The following NOP53 variants were observed in gnomAD, a reference collection of about 807,000 sequenced individuals.
NOP53 encodes the protein ribosome biogenesis protein NOP53.
Under a neutral mutation model 61.0 loss-of-function variants are expected in NOP53, and 40 were observed. That is an observed-to-expected ratio of 0.66 (90% CI 0.51 to 0.85). NOP53 has a LOEUF of 0.85. Ranked by LOEUF, NOP53 falls within the 40% of genes least tolerant of loss-of-function variation. The pLI is 0.00. For synonymous variants in NOP53, 308 were observed against 289.5 expected, an observed-to-expected ratio of 1.06 and a Z score of -0.65; for missense variants, 689 against 652.9, an observed-to-expected ratio of 1.06 and a Z score of -0.60.
intron 10 of NOP53, 168 bp downstream of exon 10, chr19:47,755,990 G>T: frequency 1.6e-6 from 1 of 606,398 alleles, no homozygotes; most frequent in South Asian, 2.0e-5. Flanking sequence ...ATCCCAGGGT[G>T]AGGGGCCAGG....
intron 2 of NOP53, among the ~76,000 whole-genome samples, chr19:47,747,599 G>A (rs919092706): frequency 2.0e-4 from 30 of 151,272 alleles, no homozygotes; most frequent in Admixed American, 1.8e-3. Context: ...CCGAGATCGC[G>A]CCGCTGAACT....
At chr19:47,746,814 A>T (rs536870022) in intron 1 of NOP53, 153 bp from the exon 2 acceptor site, 1 of 625,640 alleles carries the variant, frequency 1.6e-6, no homozygotes, top group Admixed American at 3.1e-5. Context: ...TCCTTCCTAA[A>T]TACTAAGTTC....
Position 47,757,005 on chromosome 19 carries a change from G to A in NOP53, c.1437G>A (p.Ter479=), listed in dbSNP as rs1180406309. 1 of 1,614,144 alleles carries A rather than the reference G, an allele frequency of 6.2e-7. No homozygotes were observed. Among genetic ancestry groups the A allele is most frequent in the Non-Finnish European group, 8.5e-7 (1 of 1,179,972 alleles). Residue 479 remains the stop codon, a stop_retained_variant, in exon 13 of 13, where the codon TAG becomes TAA. Transcript: ENST00000246802. ...TCCTTTCCTCTGTCCCCAGGTTGTA[G>A]CTGCCATCAGATGCCGGAGACTCGC... ...EKRAFREIQL[*]
In NOP53 at chr19:47,750,260, C is replaced by T; in HGVS notation, c.372C>T (p.Asn124=). Residue 124 remains asparagine, a synonymous_variant, in exon 3 of 13, where the codon AAC becomes AAT. Coordinates refer to ENST00000246802, the MANE Select transcript of NOP53 (RefSeq NM_015710.5). ...KPLRVDLILE[N]TSKVPAPKDV... ...TTCGGGTTGACCTCATCCTCGAGAA[C>T]ACATCCAAAGTCCCTGCCCCCAAAG... The T allele has an allele frequency of 1.2e-6, 2 of 1,607,682 alleles. No homozygotes were observed. Among genetic ancestry groups the T allele is most frequent in the South Asian group, 1.1e-5 (1 of 90,980 alleles).
intron 5 of NOP53, 99 bp downstream of exon 5, chr19:47,751,689 A>G (rs943418995): frequency 1.2e-4 from 113 of 934,018 alleles, no homozygotes; most frequent in Non-Finnish European, 1.8e-4. Flanking sequence ...GAGCCCTTCC[A>G]TCCCAGTGGC....
At chr19:47,750,364 T>G (rs150534013) in intron 3 of NOP53, 78 bp downstream of exon 3, 1 of 855,168 alleles carries the variant, frequency 1.2e-6, no homozygotes, top group East Asian at 2.6e-5. Flanking sequence ...TGGGGGCTGG[T>G]AGGTGAGGGT....
At chr19:47,755,562 G>T (rs1485282383) in intron 9 of NOP53, 39 bp downstream of exon 9, 1 of 1,456,740 alleles carries the variant, frequency 6.9e-7, no homozygotes, top group East Asian at 2.5e-5. Flanking sequence ...AGGCTGGGGA[G>T]GGGGCCGGGT....
intron 10 of NOP53, chr19:47,756,318 CTCTAA>C: frequency 1.7e-6 from 1 of 594,606 alleles, no homozygotes; most frequent in Non-Finnish European, 3.0e-6. Context: ...CCCGTGACTC[CTCTAA>C]GCCCAGCTTA....
Position 47,755,348 on chromosome 19 carries a change from C to T in NOP53, c.1054C>T (p.Arg352Trp), listed in dbSNP as rs556948515. ...RRREKAVHRL[R>W]VQQAALRAAR... ...CCCTGACCCTCCCCCGTCTCCACAG[C>T]GGGTACAGCAGGCCGCGTTGCGGGC... The change falls in exon 9 of 13, where the codon CGG (arginine) becomes TGG (tryptophan). Residue 352 changes from arginine (R) to tryptophan (W), a missense_variant and splice_region_variant. Arg to Trp is a moderately radical substitution (Grantham distance 101). Transcript: ENST00000246802. 1.1e-5 allele frequency: 17 copies of T among 1,502,652 alleles called. No homozygotes were observed. The highest frequency in any genetic ancestry group is 6.8e-5 in the Admixed American group (3 of 43,908). 93.1% of individuals were successfully genotyped at this position (1,502,652 alleles called of 1,614,324 possible).
chr19:47,754,528 C>T lies in NOP53; in HGVS notation c.767C>T (p.Thr256Ile). ...CCCATCCTCACTCCCGCCCCTCAGA[C>T]CCTGCTCTCAGCGGCCCACGAGGTG... ...SYNPSFEDHQ[T>I]LLSAAHEVEL... The change falls in exon 7 of 13, where the codon ACC (threonine) becomes ATC (isoleucine). Residue 256 changes from threonine (T) to isoleucine (I), a missense_variant and splice_region_variant. Physicochemically the swap from Thr to Ile is moderately conservative, Grantham distance 89. Coordinates refer to ENST00000246802, the MANE Select transcript of NOP53 (RefSeq NM_015710.5). The surrounding 1 kb of genome is among the most constrained non-coding windows in gnomAD (Gnocchi z 4.2). 1 of 1,549,206 alleles carries T rather than the reference C, an allele frequency of 6.5e-7. No homozygotes were observed. The highest frequency in any genetic ancestry group is 8.7e-7 in the Non-Finnish European group (1 of 1,146,620).
Position 47,756,554 on chromosome 19 carries a change from G to A in NOP53, c.1323G>A (p.Arg441=). 1 of 1,614,100 alleles carries A rather than the reference G, an allele frequency of 6.2e-7. No individual in the cohort carries two copies. Among genetic ancestry groups the A allele is most frequent in the South Asian group, 1.1e-5 (1 of 91,082 alleles). ...CCGAGGGCAACATCCTTCGAGACCG[G>A]TTCAAGAGCTTCCAGAGGAGGAATA... ...LKPEGNILRD[R]FKSFQRRNMI... is the part of the protein sequence containing the mutation. The change falls in exon 11 of 13, where the codon CGG becomes CGA. Residue 441 remains arginine (R), a synonymous_variant. Transcript: ENST00000246802.
chr19:47,750,802 T>A, intron 3 of NOP53, 106 bp from the exon 4 acceptor site: 1 of 869,756 alleles, frequency 1.1e-6, no homozygotes, highest in East Asian at 2.6e-5. Flanking sequence ...GGAGAGGGGG[T>A]GCTGAAGCTG....
chr19:47,745,854 T>A, intron 1 of NOP53, 71 bp downstream of exon 1: 1 of 277,996 alleles, frequency 3.6e-6, no homozygotes, highest in Non-Finnish European at 4.8e-6. Context: ...CGTGCTTGCG[T>A]GGACTCGTCG....
In NOP53 at chr19:47,755,331, CT is replaced by C; in HGVS notation, c.1054-16del. On this transcript the variant is annotated splice_polypyrimidine_tract_variant and intron_variant, in intron 8 of 12. Coordinates refer to ENST00000246802, the MANE Select transcript of NOP53 (RefSeq NM_015710.5). ...GGCAGCACCGGCCTGAGCCCTGACCCTCCCCCGTCTCCACAGCGGGTACAGC... is the reference window on the plus strand; with the variant it reads ...GGCAGCACCGGCCTGAGCCCTGACCCCCCCCGTCTCCACAGCGGGTACAGC... The C allele has an allele frequency of 6.8e-7, 1 of 1,473,576 alleles. No individual in the cohort carries two copies. The highest frequency in any genetic ancestry group is 8.9e-7 in the Non-Finnish European group (1 of 1,119,230). 91.3% of individuals were successfully genotyped at this position (1,473,576 alleles called of 1,614,324 possible).
intron 10 of NOP53, 140 bp downstream of exon 10, chr19:47,755,962 A>G: frequency 3.1e-6 from 2 of 655,202 alleles, no homozygotes; most frequent in Non-Finnish European, 5.4e-6. Context: ...GGCTGAGGGC[A>G]CGGGATGCTG....
At chr19:47,752,490 T>C (rs766571730) in intron 5 of NOP53, 22 bp from the exon 6 acceptor site, 2 of 1,506,228 alleles carry the variant, frequency 1.3e-6, no homozygotes, top group South Asian at 1.1e-5. Flanking sequence ...GGCCTTACCC[T>C]GCCTCGGCCT....
Position 47,750,232 on chromosome 19 carries a change from C to T in NOP53, c.344C>T (p.Pro115Leu). 3 of 1,613,146 alleles carry T rather than the reference C, an allele frequency of 1.9e-6. No individual in the cohort carries two copies. The highest frequency in any genetic ancestry group is 2.2e-5 in the East Asian group (1 of 44,852). ...VQKKSLLLKK[P>L]LRVDLILENT... ...AAGAAGTCACTGCTTCTCAAGAAAC[C>T]CCTTCGGGTTGACCTCATCCTCGAG... The change falls in exon 3 of 13, where the codon CCC becomes CTC. Residue 115 changes from proline (P) to leucine (L), a missense_variant. Pro to Leu is a moderately conservative substitution (Grantham distance 98). Coordinates refer to ENST00000246802, the MANE Select transcript of NOP53 (RefSeq NM_015710.5).
intron 9 of NOP53, 36 bp downstream of exon 9, chr19:47,755,559 G>A (rs1305466356): frequency 6.9e-7 from 1 of 1,457,820 alleles, no homozygotes; most frequent in Non-Finnish European, 9.1e-7. Context: ...GAGAGGCTGG[G>A]GAGGGGGCCG....
At chr19:47,751,713 C>G in intron 5 of NOP53, 123 bp downstream of exon 5, 1 of 773,838 alleles carries the variant, frequency 1.3e-6, no homozygotes, top group African/African-American at 1.7e-5. Context: ...GAACTCTGTG[C>G]TGGAGCCAGG....
Sources: allele counts gnomAD v4.1 joint callset (sites outside exome capture counted in the v4.1 genomes callset), GRCh38; gene constraint gnomAD v4.1.1; non-coding constraint Gnocchi (gnomAD v3.1); transcripts MANE v1.5; gene names NCBI Gene and HGNC (gene_info 2026-07-23, HGNC 2026-07-21).